The following C18orf54 variants were observed in gnomAD, a reference collection of about 807,000 sequenced individuals.
C18orf54 encodes chromosome 18 open reading frame 54.
In C18orf54, 49 loss-of-function variants were observed where a neutral mutation model predicts 49.3. That is an observed-to-expected ratio of 0.99 (90% confidence interval 0.79 to 1.26). C18orf54 has a LOEUF of 1.26. Among genes scored for constraint, C18orf54 ranks in the 50% most tolerant of loss-of-function variants. C18orf54 has a pLI of 0.00. For synonymous variants in C18orf54, 211 were observed against 216.6 expected (o/e 0.97, Z 0.23); for missense variants, 687 against 620.6 (o/e 1.11, Z -1.14).
intron 8 of C18orf54, 140 bp downstream of exon 8, chr18:54,374,424 C>T: frequency 1.7e-5 from 8 of 462,564 alleles, no homozygotes; most frequent in African/African-American, 5.3e-5. Context: ...ACTGTTTACA[C>T]TAAAAAACAT....
intron 6 of C18orf54, among the ~76,000 whole-genome samples, chr18:54,371,681 A>G (rs184068672): frequency 4.3e-4 from 65 of 152,242 alleles, no homozygotes; most frequent in African/African-American, 1.2e-3. Flanking sequence ...TACCTTGAGT[A>G]TATTATGCTA....
Position 54,378,167 on chromosome 18 carries a change from A to G in C18orf54, c.1530-7A>G. 1 of 1,609,920 alleles carries G rather than the reference A, an allele frequency of 6.2e-7. No homozygotes were observed. Among genetic ancestry groups the G allele is most frequent in the South Asian group, 1.1e-5 (1 of 90,432 alleles). On this transcript the variant is annotated splice_region_variant and splice_polypyrimidine_tract_variant and intron_variant, in intron 8 of 8. Transcript: ENST00000620105. The stretch of plus-strand genomic sequence containing the variant: ...GTTTATAATGTGTTTTATACTTTTT[A>G]ATGAAGGGCTTTGCACCATTTATCT...
Position 54,379,344 on chromosome 18 carries a change from A to G in C18orf54, c.*1098A>G, listed in dbSNP as rs1434659961. On this transcript the variant is annotated 3_prime_UTR_variant, in exon 9 of 9. Coordinates refer to ENST00000620105, the MANE Select transcript of C18orf54 (RefSeq NM_001288980.2). ...GTATGTATAACTACTACAGGTTAACACTTCACCCAAATGATAGCGTTTTTC... is the reference window on the plus strand; with the variant it reads ...GTATGTATAACTACTACAGGTTAACGCTTCACCCAAATGATAGCGTTTTTC... The G allele has an allele frequency of 6.6e-6, 1 of 152,118 alleles. No individual in the cohort carries two copies. Among genetic ancestry groups the G allele is most frequent in the Admixed American group, 6.5e-5 (1 of 15,272 alleles). 9.4% of individuals were successfully genotyped at this position (152,118 alleles called of 1,614,324 possible). A position where few individuals can be genotyped will look rare whatever the true frequency, so the allele number is the denominator to read the frequency against.
intron 7 of C18orf54, among the ~76,000 whole-genome samples, chr18:54,372,863 A>G (rs775464623): frequency 1.3e-5 from 2 of 151,940 alleles, no homozygotes; most frequent in African/African-American, 2.4e-5. Context: ...TGTTACAACT[A>G]TAGTATCAAA....
Position 54,365,748 on chromosome 18 carries a change from A to C in C18orf54, c.1253A>C (p.Asp418Ala), listed in dbSNP as rs1465367020. ...FKSPVPVNSD[D>A]SPQQTSRAKS... ...TCTCCTGTTCCCGTTAACTCTGATG[A>C]TAGTCCTCAACAAACTTCAAGGGCA... is the stretch of plus-strand genomic sequence containing the variant. Residue 418 changes from aspartate to alanine, a missense_variant, in exon 6 of 9, where the codon GAT (aspartate) becomes GCT (alanine). Asp to Ala is a moderately radical substitution (Grantham distance 126, BLOSUM62 -2). Transcript: ENST00000620105. 1 of 1,598,944 alleles carries C rather than the reference A, an allele frequency of 6.3e-7. No homozygotes were observed. Among genetic ancestry groups the C allele is most frequent in the East Asian group, 2.2e-5 (1 of 44,662 alleles).
intron 8 of C18orf54, among the ~76,000 whole-genome samples, chr18:54,374,722 T>G (rs913253572): frequency 1.3e-5 from 2 of 151,932 alleles, no homozygotes; most frequent in African/African-American, 4.8e-5. Flanking sequence ...TCTAATTTTC[T>G]TAGTTACAGT....
chr18:54,380,414 T>C lies in C18orf54; in HGVS notation c.*2168T>C, dbSNP rs1344320970. ...AATTAAGAAATTTTAATAAGATGTT[T>C]CAGATCTTTGAGTATGAAAAACATA... On this transcript the variant is annotated 3_prime_UTR_variant, in exon 9 of 9. Coordinates refer to ENST00000620105, the MANE Select transcript of C18orf54 (RefSeq NM_001288980.2). The C allele has an allele frequency of 6.7e-6, 1 of 148,168 alleles. No individual in the cohort carries two copies. Among genetic ancestry groups the C allele is most frequent in the Non-Finnish European group, 1.5e-5 (1 of 67,186 alleles). 9.2% of individuals were successfully genotyped at this position (148,168 alleles called of 1,614,324 possible). A position where few individuals can be genotyped will look rare whatever the true frequency, so the allele number is the denominator to read the frequency against.
At chr18:54,369,934 G>A (rs2144740798) in intron 6 of C18orf54, among the ~76,000 whole-genome samples, 1 of 149,584 alleles carries the variant, frequency 6.7e-6, no homozygotes, top group Admixed American at 6.7e-5. Context: ...GCCCTCTGAT[G>A]TGTGGGTTCC....
In C18orf54 at chr18:54,362,037, G is replaced by A. The variant is rs1446229153; in HGVS notation, c.678G>A (p.Lys226=). The A allele has an allele frequency of 2.5e-6, 4 of 1,579,424 alleles. No individual in the cohort carries two copies. Among genetic ancestry groups the A allele is most frequent in the Non-Finnish European group, 3.4e-6 (4 of 1,162,826 alleles). Reference sequence around the variant, plus strand: ...CTTTTCCCAAGAAATCGTCTTTCAAGGACAGTTCAGAACACAGTCTTGAAA... The same window carrying A: ...CTTTTCCCAAGAAATCGTCTTTCAAAGACAGTTCAGAACACAGTCTTGAAA... ...SLSFPKKSSF[K]DSSEHSLEKN... is the part of the protein sequence containing the mutation. The change falls in exon 4 of 9, where the codon AAG becomes AAA. Residue 226 remains lysine, a synonymous_variant. Coordinates refer to ENST00000620105, the MANE Select transcript of C18orf54 (RefSeq NM_001288980.2).
chr18:54,379,841 A>G lies in C18orf54; in HGVS notation c.*1595A>G, dbSNP rs1225532211. ...ATCAGGTGGTAACTTCTAATTGAAT[A>G]TTATATGTTGATCATACATAATATA... On this transcript the variant is annotated 3_prime_UTR_variant, in exon 9 of 9. Transcript: ENST00000620105. The G allele has an allele frequency of 1.3e-5, 2 of 152,168 alleles. No homozygotes were observed. Among genetic ancestry groups the G allele is most frequent in the African/African-American group, 4.8e-5 (2 of 41,558 alleles). 9.4% of individuals were successfully genotyped at this position (152,168 alleles called of 1,614,324 possible). A position where few individuals can be genotyped will look rare whatever the true frequency, so the allele number is the denominator to read the frequency against.
chr18:54,364,290 C>G (rs1266314654), intron 5 of C18orf54, among the ~76,000 whole-genome samples: 1 of 151,762 alleles, frequency 6.6e-6, no homozygotes, highest in Admixed American at 6.6e-5. Context: ...TAATTGGAAC[C>G]AAAATGGGCA....
intron 6 of C18orf54, among the ~76,000 whole-genome samples, chr18:54,370,121 T>C (rs1311684826): frequency 5.9e-5 from 9 of 151,796 alleles, no homozygotes; most frequent in African/African-American, 1.9e-4. Flanking sequence ...CTAAAAAATA[T>C]AAAAAATGAG....
chr18:54,358,652 T>C (rs1360020115), intron 1 of C18orf54, 122 bp from the exon 2 acceptor site: 1 of 152,218 alleles, frequency 6.6e-6, no homozygotes, highest in Non-Finnish European at 1.5e-5. Flanking sequence ...TGCTGCCGAG[T>C]AAACAAACGT....
rs1568182758 is a variant in C18orf54, at chr18:54,362,565, T to C, written c.1072+134T>C. The C allele has an allele frequency of 6.6e-6, 6 of 911,926 alleles. No individual in the cohort carries two copies. The South Asian group carries it at 7.7e-5, about 12-fold the overall frequency. 56.5% of individuals were successfully genotyped at this position (911,926 alleles called of 1,614,324 possible). A position where few individuals can be genotyped will look rare whatever the true frequency, so the allele number is the denominator to read the frequency against. ...GTAATACATCTTTTTGGAATGCTTA[T>C]AATCTTCACATACAGCATTTTGTAA... On this transcript the variant is annotated intron_variant, in intron 4 of 8. Coordinates refer to ENST00000620105, the MANE Select transcript of C18orf54 (RefSeq NM_001288980.2).
intron 1 of C18orf54, among the ~76,000 whole-genome samples, 195 bp downstream of exon 1, chr18:54,358,270 A>T (rs1055135723): frequency 6.6e-6 from 1 of 151,988 alleles, no homozygotes; most frequent in Non-Finnish European, 1.5e-5. Flanking sequence ...GGAAGGAAGA[A>T]CACTGTAGGG....
chr18:54,360,007 T>C (rs1404751278), intron 2 of C18orf54, among the ~76,000 whole-genome samples: 1 of 152,260 alleles, frequency 6.6e-6, no homozygotes, highest in East Asian at 1.9e-4. Flanking sequence ...TTAAATGTTG[T>C]AAATGTACTA....
At chr18:54,376,303 T>C (rs897837240) in intron 8 of C18orf54, among the ~76,000 whole-genome samples, 12 of 152,240 alleles carry the variant, frequency 7.9e-5, no homozygotes, top group African/African-American at 2.9e-4. Context: ...ATTAGAAATA[T>C]GTGTTCTCTA....
intron 6 of C18orf54, among the ~76,000 whole-genome samples, chr18:54,368,948 G>A (rs1452503515): frequency 1.3e-5 from 2 of 152,182 alleles, no homozygotes; most frequent in African/African-American, 4.8e-5. Context: ...GCCATTAGGA[G>A]TTCCTTCATG....
chr18:54,376,233 G>C (rs2089567705), intron 8 of C18orf54, among the ~76,000 whole-genome samples: 1 of 152,186 alleles, frequency 6.6e-6, no homozygotes, highest in Non-Finnish European at 1.5e-5. Context: ...ATAGGGAACT[G>C]TAAGCTAGTA....
Sources: gnomAD v4.1 joint callset for allele counts (sites outside exome capture counted in the v4.1 genomes callset) on GRCh38, gnomAD v4.1.1 for gene constraint, MANE v1.5 for transcripts, NCBI Gene and HGNC (gene_info 2026-07-23, HGNC 2026-07-21) for gene names.